The following TENM1 variants were observed in gnomAD, a reference collection of about 807,000 sequenced individuals.
The protein encoded by TENM1 is teneurin-1.
A neutral mutation model predicts 174.8 loss-of-function variants in TENM1; 35 were observed. The observed-to-expected ratio is 0.20, with a 90% CI of 0.15 to 0.27. The LOEUF (loss-of-function observed/expected upper bound fraction) is 0.27. TENM1 is among the 10% of genes least tolerant of loss of function. The pLI is 1.00. For missense variants in TENM1, 1,633 were observed against 2,130.1 expected (o/e 0.77, Z 4.59); for synonymous variants, 781 against 798.7 (o/e 0.98, Z 0.37).
intron 11 of TENM1, among the ~76,000 whole-genome samples, chrX:124,630,922 G>T (rs767420420): frequency 2.1e-4 from 23 of 112,129 alleles, no homozygotes; most frequent in Non-Finnish European, 3.9e-4. Context: ...TTGGCCTAAA[G>T]AATTGCAACA....
chrX:124,405,413 G>T (rs186951185), intron 26 of TENM1, 147 bp from the exon 30 acceptor site: 2 of 451,175 alleles, frequency 4.4e-6, no homozygotes, highest in Non-Finnish European at 7.6e-6. Flanking sequence ...CTAGACTACC[G>T]CTCTGACAGG....
intron 3 of TENM1, among the ~76,000 whole-genome samples, chrX:124,753,063 A>G (rs1477247234): frequency 4.5e-5 from 5 of 110,416 alleles, no homozygotes; most frequent in African/African-American, 1.7e-4. Flanking sequence ...CATTGAATCT[A>G]TAAATTACCT....
At chrX:124,787,899 C>G (rs145924707) in intron 3 of TENM1, among the ~76,000 whole-genome samples, 2,378 of 111,689 alleles carry the variant, frequency 0.021, 37 homozygotes, top group Admixed American at 0.031. Flanking sequence ...GGACAATTTA[C>G]AAAAGAAAGC....
chrX:124,918,944 A>G (rs376378063), intron 1 of TENM1, among the ~76,000 whole-genome samples: 20 of 112,216 alleles, frequency 1.8e-4, no homozygotes, highest in African/African-American at 6.1e-4. Flanking sequence ...AGCCACATCT[A>G]TGCTAAACAT....
intron 3 of TENM1, among the ~76,000 whole-genome samples, chrX:124,861,549 A>G (rs1392343383): frequency 1.8e-5 from 2 of 112,058 alleles, no homozygotes; most frequent in African/African-American, 6.5e-5. Context: ...ATAGATCCAC[A>G]TTTATTAAAA....
chrX:125,009,603 C>A, the TENM1 span, among the ~76,000 whole-genome samples: 1 of 111,775 alleles, frequency 8.9e-6, no homozygotes, highest in East Asian at 2.8e-4. Context: ...AGGCCAATAT[C>A]CCTGATGAAC....
the TENM1 span, among the ~76,000 whole-genome samples, chrX:125,014,456 T>C: frequency 8.9e-6 from 1 of 112,601 alleles, no homozygotes; most frequent in Non-Finnish European, 1.9e-5. Flanking sequence ...ACTATTTCTT[T>C]ACTTTTAGGT....
chrX:125,028,011 G>T, the TENM1 span, among the ~76,000 whole-genome samples: 2 of 111,677 alleles, frequency 1.8e-5, no homozygotes, highest in East Asian at 5.6e-4. Context: ...CATACTGCTA[G>T]TAGAAGTCTA....
intron 14 of TENM1, among the ~76,000 whole-genome samples, chrX:124,547,605 A>G (rs949305834): frequency 1.8e-5 from 2 of 111,708 alleles, no homozygotes; most frequent in African/African-American, 3.3e-5. Flanking sequence ...GAAAAAAGAT[A>G]TTTCGAGCAA....
chrX:124,763,077 T>C lies in TENM1; in HGVS notation c.536-25880A>G, dbSNP rs189322645. Among the ~76,000 whole-genome samples, 295 of 111,954 alleles carry C rather than the reference T, an allele frequency of 2.6e-3. 1 individual carries two copies. Among genetic ancestry groups the C allele is most frequent in the Non-Finnish European group, 4.2e-3 (223 of 53,213 alleles). ...AGTGGATGGTCATCAGAAAAGGTTA[T>C]GTAACTGACATGGGAGGAGGGTAAG... On this transcript the variant is annotated intron_variant, in intron 3 of 31. Coordinates refer to ENST00000422452, the Ensembl canonical transcript of TENM1.
chrX:124,513,324 C>T (rs912837666), intron 18 of TENM1, among the ~76,000 whole-genome samples: 5 of 111,383 alleles, frequency 4.5e-5, no homozygotes, highest in African/African-American at 1.6e-4. Context: ...TAGTTATATC[C>T]TCATGTAACT....
the TENM1 span, among the ~76,000 whole-genome samples, chrX:125,147,499 T>C: frequency 9.0e-6 from 1 of 111,569 alleles, no homozygotes; most frequent in African/African-American, 3.3e-5. Context: ...CATAATAGAC[T>C]CTCTACTTAA....
chrX:124,698,361 A>C (rs142410308), intron 5 of TENM1, among the ~76,000 whole-genome samples: 2,117 of 111,092 alleles, frequency 0.019, 50 homozygotes, highest in African/African-American at 0.066. Flanking sequence ...AAGCCAGATA[A>C]CAACATTCTC....
the TENM1 span, among the ~76,000 whole-genome samples, chrX:125,185,208 C>T: frequency 1.8e-5 from 2 of 111,898 alleles, no homozygotes; most frequent in Non-Finnish European, 3.8e-5. Context: ...AATATTTATG[C>T]CAGTAAAATT....
At chrX:124,733,652 C>T (rs2148544409) in intron 4 of TENM1, among the ~76,000 whole-genome samples, 1 of 112,026 alleles carries the variant, frequency 8.9e-6, no homozygotes, top group South Asian at 3.7e-4. Context: ...GTTGATAGAG[C>T]TAATAACGTT....
chrX:124,843,066 C>T (rs1299934741), intron 3 of TENM1, among the ~76,000 whole-genome samples: 1 of 111,097 alleles, frequency 9.0e-6, no homozygotes, highest in Non-Finnish European at 1.9e-5. Context: ...GTGATGAACG[C>T]CTTAAATGTA....
intron 16 of TENM1, among the ~76,000 whole-genome samples, chrX:124,526,810 G>C (rs2047987099): frequency 8.9e-6 from 1 of 112,065 alleles, no homozygotes; most frequent in African/African-American, 3.2e-5. Context: ...TTTGCCTTGA[G>C]GAGAATCAAA....
At chrX:124,804,152 G>A (rs1730989068) in intron 3 of TENM1, among the ~76,000 whole-genome samples, 1 of 112,029 alleles carries the variant, frequency 8.9e-6, no homozygotes, top group South Asian at 3.7e-4. Flanking sequence ...CTAAGCATAT[G>A]CAATTTTAAA....
chrX:125,085,648 G>A, the TENM1 span, among the ~76,000 whole-genome samples: 1 of 111,040 alleles, frequency 9.0e-6, no homozygotes, highest in African/African-American at 3.3e-5. Context: ...TATTTTCCAT[G>A]TATATTTCAT....
Sources: gnomAD v4.1 joint callset for allele counts (sites outside exome capture counted in the v4.1 genomes callset) on GRCh38, gnomAD v4.1.1 for gene constraint, MANE v1.5 for transcripts, NCBI Gene and HGNC (gene_info 2026-07-23, HGNC 2026-07-21) for gene names.